SEMA3E: variants seen among roughly 807,000 people sequenced by gnomAD.
SEMA3E encodes the protein semaphorin-3E.
In SEMA3E, 49 loss-of-function variants were observed where a neutral mutation model predicts 93.6. That is an observed-to-expected ratio of 0.52 (90% CI 0.42 to 0.66). SEMA3E has a LOEUF of 0.66. SEMA3E is among the 30% of genes least tolerant of loss of function. The pLI is 0.00. For missense variants in SEMA3E, 906 were observed against 964.8 expected (o/e 0.94, Z 0.81); for synonymous variants, 363 against 330.7 (o/e 1.10, Z -1.06).
chr7:83,479,265 C>A (rs991102108), intron 2 of SEMA3E, among the ~76,000 whole-genome samples: 2 of 152,102 alleles, frequency 1.3e-5, no homozygotes, highest in Non-Finnish European at 2.9e-5. Context: ...TATTCAAAGC[C>A]CAATTTAAAG....
intron 11 of SEMA3E, among the ~76,000 whole-genome samples, chr7:83,397,369 T>C (rs1788141995): frequency 6.6e-6 from 1 of 152,142 alleles, no homozygotes. Context: ...CTGTGATGCA[T>C]GACGCAAGAA....
intron 1 of SEMA3E, among the ~76,000 whole-genome samples, chr7:83,611,310 A>C (rs370671975): frequency 3.5e-5 from 5 of 143,862 alleles, no homozygotes; most frequent in African/African-American, 1.3e-4. Context: ...TATATATATA[A>C]ATTTATGTAT....
At chr7:83,587,444 C>T (rs939315353) in intron 1 of SEMA3E, among the ~76,000 whole-genome samples, 1 of 152,072 alleles carries the variant, frequency 6.6e-6, no homozygotes, top group Non-Finnish European at 1.5e-5. Flanking sequence ...AAAAAAGTTA[C>T]GTGGATGAAA....
intron 1 of SEMA3E, among the ~76,000 whole-genome samples, chr7:83,523,419 C>A (rs976888912): frequency 2.0e-5 from 3 of 152,070 alleles, no homozygotes; most frequent in Non-Finnish European, 2.9e-5. Context: ...AAAAATGTAA[C>A]AAATTTCATT....
At chr7:83,469,864 T>A (rs552319562) in intron 2 of SEMA3E, among the ~76,000 whole-genome samples, 4 of 152,138 alleles carry the variant, frequency 2.6e-5, no homozygotes, top group African/African-American at 9.6e-5. Flanking sequence ...CGGTGTGATC[T>A]CGGCTCATTG....
intron 2 of SEMA3E, among the ~76,000 whole-genome samples, chr7:83,471,097 T>G (rs1584271060): frequency 6.6e-6 from 1 of 152,056 alleles, no homozygotes; most frequent in East Asian, 1.9e-4. Flanking sequence ...CAGTTTTCTC[T>G]GTACATAGTT....
chr7:83,418,308 C>T, intron 5 of SEMA3E, 82 bp downstream of exon 5: 1 of 976,122 alleles, frequency 1.0e-6, no homozygotes, highest in South Asian at 1.4e-5. Flanking sequence ...TAAAGAAATG[C>T]TGAAAGAATG....
At chr7:83,370,687 C>G (rs561017754) in intron 16 of SEMA3E, among the ~76,000 whole-genome samples, 3 of 152,108 alleles carry the variant, frequency 2.0e-5, no homozygotes, top group Admixed American at 1.3e-4. Context: ...TCTTCCCAAA[C>G]TGGCCTTTCT....
chr7:83,579,628 A>T (rs1478384475), intron 1 of SEMA3E, among the ~76,000 whole-genome samples: 2 of 152,280 alleles, frequency 1.3e-5, no homozygotes, highest in Admixed American at 6.5e-5. Flanking sequence ...AGGTCAATGC[A>T]AAATGGCTTG....
intron 1 of SEMA3E, among the ~76,000 whole-genome samples, chr7:83,569,710 G>A (rs1330265381): frequency 2.0e-5 from 3 of 152,108 alleles, no homozygotes; most frequent in Non-Finnish European, 4.4e-5. Context: ...ATCCACCCAC[G>A]ATCGGAGCAC....
In SEMA3E at chr7:83,383,162, A is replaced by G. The variant is rs576083103; in HGVS notation, c.1875+2132T>C. Among the ~76,000 whole-genome samples the G allele has an allele frequency of 2.0e-5, 3 of 151,998 alleles. No individual in the cohort carries two copies. In the South Asian group the frequency reaches 6.2e-4, roughly 31 times the overall value. ...GGGGTACTCTATAAAGCACTTACCC[A>G]GGAGGTAAGAATTAACTAGGTGAAA... On this transcript the variant is annotated intron_variant, in intron 16 of 16. Coordinates refer to ENST00000643230, the MANE Select transcript of SEMA3E (RefSeq NM_012431.3).
intron 5 of SEMA3E, among the ~76,000 whole-genome samples, chr7:83,416,139 GTGAA>G: frequency 6.6e-6 from 1 of 152,204 alleles, no homozygotes; most frequent in Middle Eastern, 3.4e-3. Flanking sequence ...TCCACAGTGA[GTGAA>G]TGATCTCTCC....
intron 4 of SEMA3E, among the ~76,000 whole-genome samples, chr7:83,437,374 T>C (rs1379266511): frequency 1.3e-5 from 2 of 152,092 alleles, no homozygotes; most frequent in Non-Finnish European, 2.9e-5. Context: ...GTATAAAACC[T>C]TTGTGGGAAA....
At chr7:83,432,139 A>G (rs1052799919) in intron 4 of SEMA3E, among the ~76,000 whole-genome samples, 2 of 152,164 alleles carry the variant, frequency 1.3e-5, no homozygotes, top group Non-Finnish European at 2.9e-5. Flanking sequence ...GTCTGCAGCC[A>G]TTTGAATATT....
chr7:83,577,253 T>C (rs1336263530), intron 1 of SEMA3E, among the ~76,000 whole-genome samples: 1 of 152,216 alleles, frequency 6.6e-6, no homozygotes, highest in African/African-American at 2.4e-5. Flanking sequence ...AATTGATCTA[T>C]ACTGCTCCTT....
At chr7:83,484,654 T>C (rs572894693) in intron 2 of SEMA3E, among the ~76,000 whole-genome samples, 1 of 151,456 alleles carries the variant, frequency 6.6e-6, no homozygotes, top group South Asian at 2.1e-4. Context: ...CACCCTACTC[T>C]CCTCACCAAC....
intron 4 of SEMA3E, among the ~76,000 whole-genome samples, chr7:83,437,865 C>T (rs560789271): frequency 1.3e-5 from 2 of 152,076 alleles, no homozygotes; most frequent in South Asian, 2.1e-4. Flanking sequence ...ACAAAGACTT[C>T]GATATCAACT....
At chr7:83,436,181 T>G (rs1789000202) in intron 4 of SEMA3E, among the ~76,000 whole-genome samples, 1 of 151,752 alleles carries the variant, frequency 6.6e-6, no homozygotes, top group Admixed American at 6.6e-5. Flanking sequence ...AACATATGTG[T>G]GTGTGTGTAC....
intron 1 of SEMA3E, among the ~76,000 whole-genome samples, chr7:83,630,792 T>G (rs1793770737): frequency 6.6e-6 from 1 of 152,146 alleles, no homozygotes; most frequent in Non-Finnish European, 1.5e-5. Flanking sequence ...GAGCATTTGG[T>G]GAAGTTAATC....
Sources: gnomAD v4.1 joint callset for allele counts (sites outside exome capture counted in the v4.1 genomes callset) on GRCh38, gnomAD v4.1.1 for gene constraint, MANE v1.5 for transcripts, NCBI Gene and HGNC (gene_info 2026-07-23, HGNC 2026-07-21) for gene names.